LRMDA: variants seen among roughly 807,000 people sequenced by gnomAD.
The protein encoded by LRMDA is leucine-rich melanocyte differentiation-associated protein.
LRMDA carries 18 observed loss-of-function variants against 29.8 expected under a neutral mutation model. The ratio of observed to expected loss-of-function variants is 0.60; its 90% confidence interval spans 0.42 to 0.90. The LOEUF is 0.90. LRMDA is among the 40% of genes least tolerant of loss of function. LRMDA has a pLI of 0.00. For synonymous variants in LRMDA, 125 were observed against 109.4 expected, an observed-to-expected ratio of 1.14 and a Z score of -0.89; for missense variants, 273 against 273.9, an observed-to-expected ratio of 1.00 and a Z score of 0.02.
chr10:76,262,310 C>T (rs1445358128), intron 5 of LRMDA, among the ~76,000 whole-genome samples: 1 of 152,178 alleles, frequency 6.6e-6, no homozygotes, highest in Non-Finnish European at 1.5e-5. Context: ...ATCTTTACCA[C>T]CAGTGTTCAC....
At chr10:75,753,892 G>A (rs1240441614) in intron 2 of LRMDA, among the ~76,000 whole-genome samples, 1 of 152,164 alleles carries the variant, frequency 6.6e-6, no homozygotes, top group African/African-American at 2.4e-5. Flanking sequence ...AAGATGGAAG[G>A]AAGTGAAGAG....
intron 2 of LRMDA, among the ~76,000 whole-genome samples, chr10:75,686,534 T>A (rs1044860943): frequency 6.6e-6 from 1 of 152,224 alleles, no homozygotes; most frequent in African/African-American, 2.4e-5. Flanking sequence ...TTTATTCGAA[T>A]GTGTAGTGCC....
At chr10:75,879,114 C>G (rs1845250362) in intron 2 of LRMDA, among the ~76,000 whole-genome samples, 1 of 152,180 alleles carries the variant, frequency 6.6e-6, no homozygotes, top group African/African-American at 2.4e-5. Context: ...CAATCCCCTG[C>G]CCACCATCAC....
intron 5 of LRMDA, among the ~76,000 whole-genome samples, chr10:76,292,066 C>T (rs1840348523): frequency 6.6e-6 from 1 of 152,074 alleles, no homozygotes; most frequent in Non-Finnish European, 1.5e-5. Context: ...TAGCAGGCCC[C>T]CGGTGGATGT....
chr10:76,272,095 G>A (rs547685116), intron 5 of LRMDA, among the ~76,000 whole-genome samples: 1 of 152,266 alleles, frequency 6.6e-6, no homozygotes, highest in East Asian at 1.9e-4. Flanking sequence ...TACTTCTCCT[G>A]GAGGATAGCA....
chr10:75,575,682 A>G (rs1840494983), intron 2 of LRMDA, among the ~76,000 whole-genome samples: 1 of 152,134 alleles, frequency 6.6e-6, no homozygotes, highest in African/African-American at 2.4e-5. Context: ...TGTTTGTCTC[A>G]TTGGGACTGA....
chr10:76,397,264 C>T (rs11001768), intron 6 of LRMDA, among the ~76,000 whole-genome samples: 47,568 of 151,890 alleles, frequency 0.31, 9,580 homozygotes, highest in Non-Finnish European at 0.45. Context: ...GTCACAAGGT[C>T]CCAGGCGGCT....
intron 6 of LRMDA, among the ~76,000 whole-genome samples, chr10:76,508,626 G>T: frequency 6.7e-6 from 1 of 148,828 alleles, no homozygotes; most frequent in Admixed American, 6.7e-5. Flanking sequence ...GTTATTTATT[G>T]TGCTATTCCT....
intron 6 of LRMDA, among the ~76,000 whole-genome samples, chr10:76,494,558 C>T (rs1564558111): frequency 6.6e-6 from 1 of 151,692 alleles, no homozygotes; most frequent in Non-Finnish European, 1.5e-5. Context: ...TAGTCTTTCT[C>T]AAGGCCAACT....
intron 6 of LRMDA, among the ~76,000 whole-genome samples, chr10:76,465,788 G>A (rs1275572670): frequency 6.6e-6 from 1 of 151,982 alleles, no homozygotes; most frequent in Admixed American, 6.5e-5. Flanking sequence ...GATTTCCTCC[G>A]AGAACCATGA....
At chr10:75,646,664 C>T (rs1841525350) in intron 2 of LRMDA, among the ~76,000 whole-genome samples, 1 of 152,186 alleles carries the variant, frequency 6.6e-6, no homozygotes, top group Admixed American at 6.5e-5. Flanking sequence ...AAATAATCAG[C>T]CCCCTCTACG....
chr10:75,937,632 G>C (rs1846320124), intron 2 of LRMDA, among the ~76,000 whole-genome samples: 2 of 152,176 alleles, frequency 1.3e-5, no homozygotes, highest in South Asian at 4.1e-4. Context: ...ATGAAGGGGG[G>C]CAGGACTGGG....
At chr10:76,542,690 C>A (rs956679806) in intron 6 of LRMDA, among the ~76,000 whole-genome samples, 1 of 152,184 alleles carries the variant, frequency 6.6e-6, no homozygotes, top group Non-Finnish European at 1.5e-5. Flanking sequence ...TAGACACAGG[C>A]AGCGTGGAGT....
chr10:75,652,994 G>A (rs1331257206), intron 2 of LRMDA, among the ~76,000 whole-genome samples: 1 of 152,116 alleles, frequency 6.6e-6, no homozygotes, highest in African/African-American at 2.4e-5. Flanking sequence ...TCTCTGCTTG[G>A]GCAAGTTGCT....
At chr10:76,314,639 AT>A (rs1237879761) in intron 5 of LRMDA, among the ~76,000 whole-genome samples, 1 of 152,246 alleles carries the variant, frequency 6.6e-6, no homozygotes, top group African/African-American at 2.4e-5. Flanking sequence ...ATTTTGTAAA[AT>A]AATTAAGAAG....
At chr10:76,305,615 C>T (rs1327781135) in intron 5 of LRMDA, among the ~76,000 whole-genome samples, 2 of 152,158 alleles carry the variant, frequency 1.3e-5, no homozygotes, top group Non-Finnish European at 2.9e-5. Flanking sequence ...TTAAATTTTG[C>T]ATTTCCTTTG....
chr10:76,524,640 C>T (rs1372227750), intron 6 of LRMDA, among the ~76,000 whole-genome samples: 1 of 152,176 alleles, frequency 6.6e-6, no homozygotes, highest in African/African-American at 2.4e-5. Flanking sequence ...TCCTTTTGAA[C>T]GGTGTCCAAT....
chr10:76,363,265 A>G (rs1209854668), intron 6 of LRMDA, among the ~76,000 whole-genome samples: 1 of 63,104 alleles, frequency 1.6e-5, no homozygotes, highest in East Asian at 2.6e-4. Flanking sequence ...GAAGGAAGGA[A>G]GGAAGGAAGG....
At chr10:76,011,895 G>A (rs1382129181) in intron 2 of LRMDA, among the ~76,000 whole-genome samples, 1 of 152,180 alleles carries the variant, frequency 6.6e-6, no homozygotes, top group Non-Finnish European at 1.5e-5. Context: ...GGGATGGAAG[G>A]AGGAGACCAG....
Sources: allele counts gnomAD v4.1 joint callset (sites outside exome capture counted in the v4.1 genomes callset), GRCh38; gene constraint gnomAD v4.1.1; transcripts MANE v1.5; gene names NCBI Gene and HGNC (gene_info 2026-07-23, HGNC 2026-07-21).